ZC3H12B: variants seen among roughly 807,000 people sequenced by gnomAD.
The protein encoded by ZC3H12B is zinc finger CCCH-type containing 12B, also known as probable ribonuclease ZC3H12B.
A neutral mutation model predicts 43.9 loss-of-function variants in ZC3H12B; 7 were observed. The ratio of observed to expected loss-of-function variants is 0.16; its 90% CI spans 0.09 to 0.30. The LOEUF is 0.30. Ranked by LOEUF, ZC3H12B falls within the 10% of genes least tolerant of loss-of-function variation. The pLI, the probability that ZC3H12B is intolerant of heterozygous loss-of-function variation, is 1.00. For missense variants in ZC3H12B, 475 were observed against 670.2 expected, an observed-to-expected ratio of 0.71 and a Z score of 3.22; for synonymous variants, 222 against 241.7, an observed-to-expected ratio of 0.92 and a Z score of 0.76.
chrX:65,159,875 T>C, the ZC3H12B span, among the ~76,000 whole-genome samples: 1 of 111,828 alleles, frequency 8.9e-6, no homozygotes, highest in African/African-American at 3.3e-5. Flanking sequence ...TTTTTGCCCA[T>C]TCAGTATGAT....
At chrX:65,363,438 C>T (rs1602320813), upstream of ZC3H12B, among the ~76,000 whole-genome samples, 1 of 111,905 alleles carries the variant, frequency 8.9e-6, no homozygotes, top group African/African-American at 3.3e-5. Flanking sequence ...GATACTTTCA[C>T]CTTTGGATAC....
At chrX:65,110,705 C>A in the ZC3H12B span, among the ~76,000 whole-genome samples, 1 of 111,422 alleles carries the variant, frequency 9.0e-6, no homozygotes, top group African/African-American at 3.2e-5. Flanking sequence ...ATTGTTTTAA[C>A]TGTTTTAGTT....
chrX:65,350,839 A>T, the ZC3H12B span, among the ~76,000 whole-genome samples: 2 of 112,002 alleles, frequency 1.8e-5, no homozygotes, highest in African/African-American at 6.5e-5. Flanking sequence ...CAAATGGAAA[A>T]ACATTCCATG....
At chrX:65,151,360 G>C in the ZC3H12B span, among the ~76,000 whole-genome samples, 259 of 112,037 alleles carry the variant, frequency 2.3e-3, no homozygotes, top group Non-Finnish European at 3.5e-3. Context: ...AGACTTCCTT[G>C]TTAATAAGGT....
At chrX:65,257,577 T>G in the ZC3H12B span, among the ~76,000 whole-genome samples, 4 of 110,358 alleles carry the variant, frequency 3.6e-5, no homozygotes, top group Non-Finnish European at 7.6e-5. Context: ...ATTGTGCACA[T>G]GTACTCTAGA....
chrX:65,068,755 T>G, the ZC3H12B span, among the ~76,000 whole-genome samples: 5 of 111,946 alleles, frequency 4.5e-5, no homozygotes, highest in Admixed American at 4.7e-4. Flanking sequence ...CTAATTAGCA[T>G]CTTTTTCTTT....
chrX:65,244,111 G>A, the ZC3H12B span, among the ~76,000 whole-genome samples: 1 of 111,327 alleles, frequency 9.0e-6, no homozygotes, highest in Non-Finnish European at 1.9e-5. Flanking sequence ...AAAATAACTG[G>A]AAGAGTGGAA....
chrX:65,134,781 C>G, the ZC3H12B span, among the ~76,000 whole-genome samples: 1 of 111,339 alleles, frequency 9.0e-6, no homozygotes, highest in Admixed American at 9.5e-5. Flanking sequence ...GTTTATTTCA[C>G]CTGGGTGCTG....
chrX:65,496,530 TA>T (rs2068285126), intron 1 of ZC3H12B, among the ~76,000 whole-genome samples: 1 of 106,989 alleles, frequency 9.3e-6, no homozygotes, highest in Non-Finnish European at 1.9e-5. Context: ...AGGGCTGCAA[TA>T]AATTGGGAGT....
At chrX:65,362,666 C>A (rs749956205), upstream of ZC3H12B, among the ~76,000 whole-genome samples, 1 of 110,699 alleles carries the variant, frequency 9.0e-6, no homozygotes, top group East Asian at 2.9e-4. Flanking sequence ...AAAACATAAT[C>A]ACCCTTACCC....
intron 2 of ZC3H12B, among the ~76,000 whole-genome samples, chrX:65,386,754 A>T (rs868092090): frequency 4.5e-5 from 5 of 110,465 alleles, no homozygotes; most frequent in Non-Finnish European, 9.5e-5. Context: ...TCAATTTTGG[A>T]TCTTTCCCGC....
At chrX:65,460,838 C>A (rs1270323809) in intron 3 of ZC3H12B, among the ~76,000 whole-genome samples, 2 of 111,407 alleles carry the variant, frequency 1.8e-5, no homozygotes, top group South Asian at 7.5e-4. Flanking sequence ...GCAATGGCAA[C>A]ACAAGCCAAA....
chrX:65,226,747 A>C, the ZC3H12B span, among the ~76,000 whole-genome samples: 2 of 111,472 alleles, frequency 1.8e-5, no homozygotes, highest in Non-Finnish European at 3.8e-5. Flanking sequence ...CTCTGATAAA[A>C]CAGACTTTAA....
the ZC3H12B span, among the ~76,000 whole-genome samples, chrX:65,080,570 G>T: frequency 4.7e-5 from 5 of 106,808 alleles, no homozygotes; most frequent in Non-Finnish European, 5.8e-5. Flanking sequence ...AGGAGAGAGG[G>T]CATGATATAT....
the ZC3H12B span, among the ~76,000 whole-genome samples, chrX:65,224,028 A>G: frequency 1.3e-4 from 15 of 112,621 alleles, no homozygotes; most frequent in Admixed American, 6.6e-4. Context: ...ACAATTCACA[A>G]TTGCAAAAAT....
the ZC3H12B span, among the ~76,000 whole-genome samples, chrX:65,212,129 T>C: frequency 3.5e-5 from 2 of 57,091 alleles, no homozygotes; most frequent in Non-Finnish European, 5.7e-5. Flanking sequence ...GTATATAATA[T>C]ACTATATATT....
At chrX:65,325,981 TG>T in the ZC3H12B span, among the ~76,000 whole-genome samples, 1 of 111,726 alleles carries the variant, frequency 9.0e-6, no homozygotes. Flanking sequence ...TAAATGGTGT[TG>T]GGGAAACCAA....
At chrX:65,220,365 A>G in the ZC3H12B span, among the ~76,000 whole-genome samples, 1 of 111,991 alleles carries the variant, frequency 8.9e-6, no homozygotes, top group African/African-American at 3.2e-5. Flanking sequence ...CAATACTAAC[A>G]TTGAATGTAA....
the ZC3H12B span, among the ~76,000 whole-genome samples, chrX:65,170,869 T>C: frequency 2.9e-4 from 33 of 112,194 alleles, no homozygotes; most frequent in African/African-American, 5.8e-4. Flanking sequence ...TCTCGTACCA[T>C]GGTTTTCAGC....
Sources: gnomAD v4.1 joint callset for allele counts (sites outside exome capture counted in the v4.1 genomes callset) on GRCh38, gnomAD v4.1.1 for gene constraint, MANE v1.5 for transcripts, NCBI Gene and HGNC (gene_info 2026-07-23, HGNC 2026-07-21) for gene names.